The following PAPPA2 variants were observed in gnomAD, a reference collection of about 807,000 sequenced individuals.
PAPPA2 encodes the protein pappalysin 2.
Under a neutral mutation model 176.4 loss-of-function variants are expected in PAPPA2, and 86 were observed. The ratio of observed to expected loss-of-function variants is 0.49; its 90% CI spans 0.41 to 0.58. The LOEUF (loss-of-function observed/expected upper bound fraction) is 0.58, where lower values mean the gene tolerates loss of function less well. PAPPA2 is among the 20% of genes least tolerant of loss of function. The probability of loss-of-function intolerance (pLI) is 0.00; values close to 1 mark genes in which losing one functional copy is unlikely to be tolerated. For missense variants in PAPPA2, 2,073 were observed against 2,256.9 expected (o/e 0.92, Z 1.65); for synonymous variants, 809 against 852.2 (o/e 0.95, Z 0.88).
intron 17 of PAPPA2, among the ~76,000 whole-genome samples, chr1:176,773,276 A>G (rs1380011914): frequency 6.6e-6 from 1 of 152,178 alleles, no homozygotes; most frequent in Non-Finnish European, 1.5e-5. Context: ...GGTAATCAGA[A>G]GTTTGCAAGT....
chr1:176,615,574 G>T (rs1211349547), intron 3 of PAPPA2, among the ~76,000 whole-genome samples: 1 of 152,058 alleles, frequency 6.6e-6, no homozygotes, highest in South Asian at 2.1e-4. Flanking sequence ...TGATCCACCC[G>T]CTTCGGCCTC....
chr1:176,672,206 T>C (rs1293155657), intron 4 of PAPPA2, among the ~76,000 whole-genome samples: 2 of 152,090 alleles, frequency 1.3e-5, no homozygotes, highest in African/African-American at 2.4e-5. Flanking sequence ...GAGTAATTAA[T>C]GAACATAATT....
intron 1 of PAPPA2, among the ~76,000 whole-genome samples, chr1:176,536,311 T>C (rs1294160193): frequency 6.6e-6 from 1 of 152,238 alleles, no homozygotes; most frequent in Non-Finnish European, 1.5e-5. Flanking sequence ...TTAAAAGTAA[T>C]GACTGTAATA....
intron 1 of PAPPA2, among the ~76,000 whole-genome samples, chr1:176,503,379 T>C (rs1648073543): frequency 6.6e-6 from 1 of 152,190 alleles, no homozygotes; most frequent in Non-Finnish European, 1.5e-5. Context: ...TCAGTAATCT[T>C]AATCCCATTT....
chr1:176,538,182 T>G (rs758533486), intron 1 of PAPPA2, among the ~76,000 whole-genome samples: 1 of 152,204 alleles, frequency 6.6e-6, no homozygotes. Flanking sequence ...AGTGTCAGGA[T>G]TACCTCTTCC....
intron 19 of PAPPA2, among the ~76,000 whole-genome samples, chr1:176,792,512 C>T (rs1455223168): frequency 6.6e-6 from 1 of 152,110 alleles, no homozygotes; most frequent in Non-Finnish European, 1.5e-5. Context: ...TTCTCATCCT[C>T]CAAGCCTCCA....
intron 1 of PAPPA2, among the ~76,000 whole-genome samples, chr1:176,540,620 TAGGTA>T (rs1248858801): frequency 6.6e-6 from 1 of 152,198 alleles, no homozygotes; most frequent in African/African-American, 2.4e-5. Flanking sequence ...CCTGGAAGAT[TAGGTA>T]AAGCCACAAT....
At chr1:176,486,875 T>C (rs1485044178) in intron 1 of PAPPA2, among the ~76,000 whole-genome samples, 1 of 151,784 alleles carries the variant, frequency 6.6e-6, no homozygotes, top group Non-Finnish European at 1.5e-5. Flanking sequence ...TGTAATTAGA[T>C]AGCTCGATAG....
At chr1:176,798,087 C>T (rs771780539) in intron 20 of PAPPA2, among the ~76,000 whole-genome samples, 1 of 152,074 alleles carries the variant, frequency 6.6e-6, no homozygotes, top group East Asian at 1.9e-4. Context: ...ATTTCTGTAG[C>T]AGTTAAGGAG....
chr1:176,477,985 A>G (rs1652219442), intron 1 of PAPPA2, among the ~76,000 whole-genome samples: 1 of 152,190 alleles, frequency 6.6e-6, no homozygotes, highest in African/African-American at 2.4e-5. Flanking sequence ...TCTTAAAGCC[A>G]TGGGACAATT....
At chr1:176,598,362 A>T (rs1423975420) in intron 3 of PAPPA2, among the ~76,000 whole-genome samples, 2 of 152,098 alleles carry the variant, frequency 1.3e-5, no homozygotes, top group Admixed American at 6.5e-5. Flanking sequence ...ATTTCTGATG[A>T]TACAGACAAG....
chr1:176,752,150 C>T lies in PAPPA2; in HGVS notation c.4151+11954C>T, dbSNP rs1283115622. 3.0e-5 allele frequency among the ~76,000 whole-genome samples: 4 copies of T among 135,452 alleles called. No individual in the cohort carries two copies. The East Asian group carries it at 9.0e-4, about 30-fold the overall frequency. 88.9% of individuals were successfully genotyped at this position (135,452 alleles called of 152,430 possible). ...AGGTGGGAATTGAACAATGAGATCA[C>T]ATGGACACAGGAAGGGGAATATCAC... On this transcript the variant is annotated intron_variant, in intron 14 of 22. Transcript: ENST00000367662.
Position 176,790,064 on chromosome 1 carries a change from A to G in PAPPA2, c.4884+87A>G, listed in dbSNP as rs1002508557. The G allele has an allele frequency of 1.6e-5, 23 of 1,451,604 alleles. No homozygotes were observed. The African/African-American group carries it at 2.8e-4, about 18-fold the overall frequency. 89.9% of individuals were successfully genotyped at this position (1,451,604 alleles called of 1,614,324 possible). On this transcript the variant is annotated intron_variant, in intron 18 of 22. Coordinates refer to ENST00000367662, the MANE Select transcript of PAPPA2 (RefSeq NM_020318.3). ...AAGAAATTTGAGAAATGAAATTTCT[A>G]AAGAATTCCAACAGGCAGGGACTTG...
chr1:176,710,479 A>G (rs1437412659), intron 11 of PAPPA2, among the ~76,000 whole-genome samples: 1 of 152,214 alleles, frequency 6.6e-6, no homozygotes. Flanking sequence ...TAAAGATCAA[A>G]GTATAAATTG....
chr1:176,579,765 G>A (rs1171009551), intron 2 of PAPPA2, among the ~76,000 whole-genome samples: 2 of 152,184 alleles, frequency 1.3e-5, no homozygotes, highest in Non-Finnish European at 2.9e-5. Context: ...ACTGTGAGAT[G>A]GTGGATGACT....
At chr1:176,649,273 C>T (rs1034938180) in intron 3 of PAPPA2, among the ~76,000 whole-genome samples, 3 of 151,234 alleles carry the variant, frequency 2.0e-5, no homozygotes, top group Non-Finnish European at 4.4e-5. Context: ...CTCAGAAATA[C>T]AGAGGGGTCC....
At chr1:176,840,453 A>G (rs1272052411) in intron 22 of PAPPA2, among the ~76,000 whole-genome samples, 182 bp downstream of exon 22, 2 of 152,186 alleles carry the variant, frequency 1.3e-5, no homozygotes, top group South Asian at 2.1e-4. Context: ...AGGTTCTTAG[A>G]CAACACTAGT....
intron 3 of PAPPA2, among the ~76,000 whole-genome samples, chr1:176,634,167 A>G (rs186517137): frequency 3.3e-5 from 5 of 152,222 alleles, no homozygotes; most frequent in African/African-American, 1.2e-4. Flanking sequence ...AACACTACTC[A>G]CAATAGCAAA....
chr1:176,662,244 G>T (rs193152414), intron 3 of PAPPA2, among the ~76,000 whole-genome samples: 1 of 152,268 alleles, frequency 6.6e-6, no homozygotes, highest in East Asian at 1.9e-4. Flanking sequence ...ATGCTAACTT[G>T]AAGTAATTAT....
Sources: allele counts gnomAD v4.1 joint callset (sites outside exome capture counted in the v4.1 genomes callset), GRCh38; gene constraint gnomAD v4.1.1; transcripts MANE v1.5; gene names NCBI Gene and HGNC (gene_info 2026-07-23, HGNC 2026-07-21).